The following ITGA4 variants were observed in gnomAD, a reference collection of about 807,000 sequenced individuals.
The protein encoded by ITGA4 is integrin alpha-4.
ITGA4 carries 63 observed loss-of-function variants against 133.6 expected under a neutral mutation model. The observed-to-expected ratio is 0.47, with a 90% CI of 0.38 to 0.58. ITGA4 has a LOEUF of 0.58. Among genes scored for constraint, ITGA4 ranks in the 20% least tolerant of loss-of-function variants. ITGA4 has a pLI of 0.00. For missense variants in ITGA4, 1,076 were observed against 1,252.7 expected (o/e 0.86, Z 2.13); for synonymous variants, 483 against 438.0 (o/e 1.10, Z -1.28).
In ITGA4 at chr2:181,538,055, C is replaced by T; in HGVS notation, c.*2528C>T. ...AACAGTTCATCCTGAAACCATTCCC[C>T]CATCCACGGAAAAATTGTCTTCCAT... On this transcript the variant is annotated 3_prime_UTR_variant, in exon 28 of 28. Transcript: ENST00000397033. The T allele has an allele frequency of 4.2e-6, 3 of 707,954 alleles. No homozygotes were observed. The highest frequency in any genetic ancestry group is 1.5e-5 in the South Asian group (1 of 66,954). 43.9% of individuals were successfully genotyped at this position (707,954 alleles called of 1,614,324 possible). A position where few individuals can be genotyped will look rare whatever the true frequency, so the allele number is the denominator to read the frequency against.
intron 15 of ITGA4, among the ~76,000 whole-genome samples, chr2:181,500,313 C>T (rs964471723): frequency 6.6e-6 from 1 of 152,136 alleles, no homozygotes; most frequent in Admixed American, 6.6e-5. Context: ...ACCACAGTTG[C>T]AGCTACCCTG....
intron 10 of ITGA4, chr2:181,486,297 C>T (rs1016555669): frequency 4.4e-6 from 1 of 226,912 alleles, no homozygotes; most frequent in African/African-American, 2.3e-5. Context: ...CTGTTACACC[C>T]ACCATTTTTC....
At chr2:181,459,866 T>C (rs899882475) in intron 2 of ITGA4, among the ~76,000 whole-genome samples, 1 of 152,206 alleles carries the variant, frequency 6.6e-6, no homozygotes, top group Non-Finnish European at 1.5e-5. Context: ...AGTGCCTACT[T>C]CCTGTCTGGA....
chr2:181,484,400 C>G (rs961490090), intron 9 of ITGA4, among the ~76,000 whole-genome samples: 4 of 152,150 alleles, frequency 2.6e-5, no homozygotes, highest in African/African-American at 9.7e-5. Flanking sequence ...CCTATTGAAA[C>G]TCTCCTTCCA....
intron 25 of ITGA4, among the ~76,000 whole-genome samples, chr2:181,532,004 GTGGC>G (rs1479231184): frequency 6.6e-6 from 1 of 152,226 alleles, no homozygotes; most frequent in African/African-American, 2.4e-5. Flanking sequence ...GCCAGGCACA[GTGGC>G]TCATGCCTGT....
In ITGA4 at chr2:181,480,181, C is replaced by T; in HGVS notation, c.669C>T (p.Gly223=). ...MGAPGSSYWT[G]SLFVYNITTN... ...CCCCAGGATCATCTTACTGGACTGG[C>T]TCTCTTTTTGTCTACAATATAACTA... The change falls in exon 6 of 28, where the codon GGC becomes GGT. Residue 223 remains glycine, a synonymous_variant. Transcript: ENST00000397033. 1 of 1,561,550 alleles carries T rather than the reference C, an allele frequency of 6.4e-7. No homozygotes were observed. The highest frequency in any genetic ancestry group is 8.7e-7 in the Non-Finnish European group (1 of 1,155,592).
Position 181,534,831 on chromosome 2 carries a change from C to A in ITGA4, c.2899C>A (p.Leu967Ile), listed in dbSNP as rs1559059990. The part of the protein sequence containing the change: ...ENVAHVLLEG[L>I]HHQRPKRYFT... ...ACTCACGTAGGTTCTACTGGAAGGA[C>A]TACATCATCAAAGACCCAAACGTTA... The change falls in exon 27 of 28, where the codon CTA becomes ATA. Residue 967 changes from leucine (L) to isoleucine (I), a missense_variant. Coordinates refer to ENST00000397033, the MANE Select transcript of ITGA4 (RefSeq NM_000885.6). The A allele has an allele frequency of 6.3e-7, 1 of 1,594,244 alleles. No individual in the cohort carries two copies. Among genetic ancestry groups the A allele is most frequent in the Non-Finnish European group, 8.5e-7 (1 of 1,174,016 alleles).
rs565150580 is a variant in ITGA4, at chr2:181,507,467, GTC to G, written c.1696-2189_1696-2188del. On this transcript the variant is annotated intron_variant, in intron 15 of 27. Coordinates refer to ENST00000397033, the MANE Select transcript of ITGA4 (RefSeq NM_000885.6). ...AGTACCCTTTGAAAATCACATTTCT[GTC>G]TGCGTAGTGCTTGAACAGGTGCTTT... Among the ~76,000 whole-genome samples, 453 of 152,114 alleles carry G rather than the reference GTC, an allele frequency of 3.0e-3. 1 individual carries two copies. The highest frequency in any genetic ancestry group is 4.8e-3 in the Non-Finnish European group (324 of 67,966).
At chr2:181,463,813 C>A (rs540434932) in intron 2 of ITGA4, among the ~76,000 whole-genome samples, 1 of 152,236 alleles carries the variant, frequency 6.6e-6, no homozygotes, top group East Asian at 1.9e-4. Context: ...CCCCATTCAC[C>A]TCCAAGGCTT....
rs1322212218 is a variant in ITGA4, at chr2:181,495,766, T to TTTTATTTCC, written c.1386-14_1386-6dup. 1 of 1,601,926 alleles carries TTTTATTTCC rather than the reference T, an allele frequency of 6.2e-7. No individual in the cohort carries two copies. ...ATAATTCTGCAATTAACATTGCTAC[T>TTTTATTTCC]TTTATTTCCTTCTCAGGACAAGACC... On this transcript the variant is annotated splice_polypyrimidine_tract_variant and intron_variant, in intron 13 of 27. Coordinates refer to ENST00000397033, the MANE Select transcript of ITGA4 (RefSeq NM_000885.6). The surrounding 1 kb of genome is among the most constrained non-coding windows in gnomAD (Gnocchi z 4.3).
chr2:181,481,048 T>C (rs1288735225), intron 6 of ITGA4, among the ~76,000 whole-genome samples: 1 of 152,146 alleles, frequency 6.6e-6, no homozygotes, highest in Admixed American at 6.5e-5. Context: ...TTCTTTCTAT[T>C]CAAACAGAAG....
rs1469559839 is a variant in ITGA4 at position 181,457,626 on chromosome 2, T to C, written c.-29T>C. ...GTGCAACTTTGGGGTAGTGGCCGTT[T>C]AGTGTTGAATGTTCCCCACCGAGAG... On this transcript the variant is annotated 5_prime_UTR_variant, in exon 1 of 28. Transcript: ENST00000397033. The C allele has an allele frequency of 6.3e-7, 1 of 1,595,868 alleles. No homozygotes were observed. The highest frequency in any genetic ancestry group is 8.5e-7 in the Non-Finnish European group (1 of 1,173,092).
chr2:181,528,248 G>C (rs1259966903), intron 22 of ITGA4, among the ~76,000 whole-genome samples: 1 of 152,146 alleles, frequency 6.6e-6, no homozygotes, highest in Admixed American at 6.5e-5. Flanking sequence ...TTGATTCTAT[G>C]TATACTCCAA....
chr2:181,529,435 A>G, intron 22 of ITGA4, 106 bp from the exon 23 acceptor site: 1 of 513,392 alleles, frequency 1.9e-6, no homozygotes, highest in Non-Finnish European at 3.5e-6. Context: ...CTCCACCACT[A>G]TAAATGTTGC....
At chr2:181,478,233 A>C (rs1355230086) in intron 4 of ITGA4, among the ~76,000 whole-genome samples, 1 of 152,042 alleles carries the variant, frequency 6.6e-6, no homozygotes, top group East Asian at 1.9e-4. Flanking sequence ...TGTTGGTGAA[A>C]GATGTTGGCA....
In ITGA4 at chr2:181,495,912, G is replaced by A. The variant is rs1686147327; in HGVS notation, c.1515G>A (p.Lys505=). The part of the protein sequence containing the change: ...CIDLTLCFSY[K]GKEVPGYIVL... ...ATCTAACACTTTGTTTCTCATATAAGGGCAAGGAAGTTCCAGGTTACATTG... is the reference window on the plus strand; with the variant it reads ...ATCTAACACTTTGTTTCTCATATAAAGGCAAGGAAGTTCCAGGTTACATTG... The change falls in exon 14 of 28, where the codon AAG becomes AAA. Residue 505 remains lysine (K), a synonymous_variant. Transcript: ENST00000397033. The surrounding 1 kb of genome is among the most constrained non-coding windows in gnomAD (Gnocchi z 4.3). 1.2e-6 allele frequency: 2 copies of A among 1,613,904 alleles called. No homozygotes were observed. The highest frequency in any genetic ancestry group is 1.7e-6 in the Non-Finnish European group (2 of 1,179,886).
In ITGA4 at chr2:181,530,613, AG is replaced by A; in HGVS notation, c.2629del (p.Val877SerfsTer15). On this transcript the variant is annotated frameshift_variant, in exon 24 of 28. Coordinates refer to ENST00000397033, the MANE Select transcript of ITGA4 (RefSeq NM_000885.6). LOFTEE classifies it high-confidence loss of function. Reference protein sequence around the residue: ...KSAMQTLKGIVRFLSKTDKRL... With the variant: ...KSAMQTLKGIXRFLSKTDKRL... ...GTGCAATGCAGACCTTGAAAGGCAT[AG>A]TCCGGTTCTTGTCCAAGACTGATAA... is the stretch of plus-strand genomic sequence containing the variant. 6.2e-7 allele frequency: 1 copy of A among 1,613,470 alleles called. No individual in the cohort carries two copies. Among genetic ancestry groups the A allele is most frequent in the Non-Finnish European group, 8.5e-7 (1 of 1,179,460 alleles).
At chr2:181,520,160 A>G (rs1444394018) in intron 17 of ITGA4, among the ~76,000 whole-genome samples, 1 of 152,128 alleles carries the variant, frequency 6.6e-6, no homozygotes, top group Non-Finnish European at 1.5e-5. Flanking sequence ...GGGGAGAGCA[A>G]TGCAGGGTGA....
At chr2:181,461,537 T>G (rs1454887034) in intron 2 of ITGA4, among the ~76,000 whole-genome samples, 1 of 152,030 alleles carries the variant, frequency 6.6e-6, no homozygotes, top group Non-Finnish European at 1.5e-5. Context: ...AAGGAAACTT[T>G]AATCACAGCT....
Sources: gnomAD v4.1 joint callset for allele counts (sites outside exome capture counted in the v4.1 genomes callset) on GRCh38, gnomAD v4.1.1 for gene constraint, Gnocchi (gnomAD v3.1) non-coding constraint, MANE v1.5 for transcripts, NCBI Gene and HGNC (gene_info 2026-07-23, HGNC 2026-07-21) for gene names.